The following STARD13 variants were observed in gnomAD, a reference collection of about 807,000 sequenced individuals.
STARD13 encodes the protein StAR related lipid transfer domain containing 13, also known as stAR-related lipid transfer protein 13.
STARD13 carries 62 observed loss-of-function variants against 106.4 expected under a neutral mutation model. The ratio of observed to expected loss-of-function variants is 0.58; its 90% CI spans 0.48 to 0.72. The LOEUF (loss-of-function observed/expected upper bound fraction) is 0.72, where lower values mean the gene tolerates loss of function less well. Among genes scored for constraint, STARD13 ranks in the 30% least tolerant of loss-of-function variants. The probability of loss-of-function intolerance (pLI) is 0.00; values close to 1 mark genes in which losing one functional copy is unlikely to be tolerated. For missense variants in STARD13, 1,387 were observed against 1,424.0 expected (o/e 0.97, Z 0.42); for synonymous variants, 565 against 553.0 (o/e 1.02, Z -0.31).
chr13:33,237,482 A>G (rs1889250334), intron 1 of STARD13, among the ~76,000 whole-genome samples: 1 of 152,144 alleles, frequency 6.6e-6, no homozygotes, highest in South Asian at 2.1e-4. Context: ...TGTTTCTGCC[A>G]TTGACCTGTT....
intron 1 of STARD13, among the ~76,000 whole-genome samples, chr13:33,204,206 C>G (rs763528906): frequency 1.3e-5 from 2 of 152,192 alleles, no homozygotes; most frequent in Non-Finnish European, 2.9e-5. Flanking sequence ...CAGCATGTGT[C>G]AGCACATGTG....
In STARD13 at chr13:33,112,831, G is replaced by T; in HGVS notation, c.2382C>A (p.Asn794Lys). ...TCTCTTCCACCAAGTTGACGACGTC[G>T]TTCAGGAAACACAAGAGCGTCTGCA... Reference protein sequence around the residue: ...EVLQTLLCFLNDVVNLVEENQ... With the variant: ...EVLQTLLCFLKDVVNLVEENQ... The change falls in exon 9 of 14, where the codon AAC becomes AAA. Residue 794 changes from asparagine (N) to lysine (K), a missense_variant. Physicochemically the swap from Asn to Lys is moderately conservative, Grantham distance 94 (BLOSUM62 0). Transcript: ENST00000336934. 1 of 1,613,946 alleles carries T rather than the reference G, an allele frequency of 6.2e-7. No homozygotes were observed.
At chr13:33,652,776 C>A in the STARD13 span, among the ~76,000 whole-genome samples, 3 of 151,838 alleles carry the variant, frequency 2.0e-5, no homozygotes, top group African/African-American at 7.3e-5. Flanking sequence ...ATAGTAATAG[C>A]AACTACCAAA....
the STARD13 span, among the ~76,000 whole-genome samples, chr13:33,399,183 TCA>T: frequency 5.3e-5 from 8 of 152,126 alleles, no homozygotes; most frequent in Admixed American, 2.6e-4. Flanking sequence ...TTGCCATTTG[TCA>T]CAACATAGAT....
At chr13:33,437,325 G>A in the STARD13 span, among the ~76,000 whole-genome samples, 1,227 of 152,212 alleles carry the variant, frequency 8.1e-3, 16 homozygotes, top group African/African-American at 0.028. Flanking sequence ...CCTCCTTAGA[G>A]TTGTGAGCCC....
chr13:33,285,630 A>T lies in STARD13; in HGVS notation c.9T>A (p.Ser3Arg). Reference protein sequence around the residue: MFSQVPRTPASGC... With the variant: MFRQVPRTPASGC... ...CTGAGGCTGGGGTCCTGGGCACCTG[A>T]CTGAACATCTCGGCAGATTTCCTAT... Residue 3 changes from serine (S) to arginine (R), a missense_variant, in exon 1 of 14, where the codon AGT becomes AGA. Transcript: ENST00000336934. 1 of 1,612,862 alleles carries T rather than the reference A, an allele frequency of 6.2e-7. No individual in the cohort carries two copies. The highest frequency in any genetic ancestry group is 8.5e-7 in the Non-Finnish European group (1 of 1,179,824).
chr13:33,315,498 AC>A (rs1199157504), intron 1 of STARD13, among the ~76,000 whole-genome samples: 1 of 152,156 alleles, frequency 6.6e-6, no homozygotes, highest in African/African-American at 2.4e-5. Context: ...GAGTGAGAAG[AC>A]CCTTAAGACC....
intron 1 of STARD13, among the ~76,000 whole-genome samples, chr13:33,341,517 G>C (rs2077960153): frequency 1.3e-5 from 2 of 151,440 alleles, no homozygotes; most frequent in Non-Finnish European, 2.9e-5. Context: ...CTTCAACTCG[G>C]GAGGTGGAGG....
At chr13:33,382,726 T>G in the STARD13 span, among the ~76,000 whole-genome samples, 1 of 152,222 alleles carries the variant, frequency 6.6e-6, no homozygotes, top group South Asian at 2.1e-4. Context: ...TGGTAACAAA[T>G]AGGCTATCTT....
chr13:33,287,659 G>A (rs1476207513), upstream of STARD13, among the ~76,000 whole-genome samples: 1 of 152,216 alleles, frequency 6.6e-6, no homozygotes, highest in East Asian at 1.9e-4. Flanking sequence ...AGGTTCATGA[G>A]CCCAGCTCAG....
chr13:33,286,014 G>A (rs1186435210), upstream of STARD13, among the ~76,000 whole-genome samples: 2 of 151,960 alleles, frequency 1.3e-5, no homozygotes, highest in African/African-American at 4.8e-5. Context: ...AAAGAGAGAG[G>A]GAAGGGCAAA....
chr13:33,167,065 C>T (rs370571862), intron 2 of STARD13, among the ~76,000 whole-genome samples: 1 of 151,338 alleles, frequency 6.6e-6, no homozygotes, highest in East Asian at 1.9e-4. Context: ...AGACACCTTA[C>T]CTAAAACTCG....
chr13:33,437,270 G>A, the STARD13 span, among the ~76,000 whole-genome samples: 3 of 152,162 alleles, frequency 2.0e-5, no homozygotes, highest in Admixed American at 1.3e-4. Context: ...CCCCAGTCAC[G>A]TGTACCCCCT....
chr13:33,456,325 G>C, the STARD13 span, among the ~76,000 whole-genome samples: 6 of 152,132 alleles, frequency 3.9e-5, no homozygotes, highest in Non-Finnish European at 7.4e-5. Flanking sequence ...AAGTAGCTAG[G>C]ATTACAGGCG....
the STARD13 span, among the ~76,000 whole-genome samples, chr13:33,497,342 ACTGTGTATAAGG>A: frequency 6.6e-6 from 1 of 152,160 alleles, no homozygotes; most frequent in Non-Finnish European, 1.5e-5. Context: ...CATCTAAAGG[ACTGTGTATAAGG>A]CTGTACTCAG....
At chr13:33,163,057 AG>A (rs1033413173) in intron 3 of STARD13, among the ~76,000 whole-genome samples, 1 of 152,176 alleles carries the variant, frequency 6.6e-6, no homozygotes, top group African/African-American at 2.4e-5. Context: ...GGGAGGCAAA[AG>A]GCCCTTCTTA....
intron 1 of STARD13, among the ~76,000 whole-genome samples, chr13:33,261,362 A>G (rs988294328): frequency 6.6e-6 from 1 of 152,188 alleles, no homozygotes; most frequent in Non-Finnish European, 1.5e-5. Context: ...GAGATTGAGA[A>G]CCCCAATTTA....
At chr13:33,609,085 C>CAAAAAAAAAAAAAAA in the STARD13 span, among the ~76,000 whole-genome samples, 7 of 50,564 alleles carry the variant, frequency 1.4e-4, no homozygotes, top group African/African-American at 6.7e-4. Context: ...GACTCCGTCT[C>CAAAAAAAAAAAAAAA]AAAAAAAAAA....
intron 4 of STARD13, among the ~76,000 whole-genome samples, chr13:33,134,214 T>A (rs1423656335): frequency 7.5e-6 from 1 of 133,222 alleles, no homozygotes; most frequent in Non-Finnish European, 1.8e-5. Flanking sequence ...TTGGGCCATA[T>A]TGGAAGAAGA....
Sources: gnomAD v4.1 joint callset for allele counts (sites outside exome capture counted in the v4.1 genomes callset) on GRCh38, gnomAD v4.1.1 for gene constraint, MANE v1.5 for transcripts, NCBI Gene and HGNC (gene_info 2026-07-23, HGNC 2026-07-21) for gene names.